Variants in CAAP1 observed in about 807,000 individuals in gnomAD.
CAAP1 encodes caspase activity and apoptosis inhibitor 1, also known as conserved anti-apoptotic protein.
CAAP1 carries 20 observed loss-of-function variants against 34.0 expected under a neutral mutation model. The observed-to-expected ratio is 0.59, with a 90% CI of 0.41 to 0.86. The LOEUF is 0.86. CAAP1 is among the 40% of genes least tolerant of loss of function. CAAP1 has a pLI of 0.00. For missense variants in CAAP1, 538 were observed against 450.5 expected, an observed-to-expected ratio of 1.19 and a Z score of -1.76; for synonymous variants, 213 against 166.7, an observed-to-expected ratio of 1.28 and a Z score of -2.14.
At chr9:26,859,833 A>C (rs908953233) in intron 5 of CAAP1, among the ~76,000 whole-genome samples, 1 of 152,214 alleles carries the variant, frequency 6.6e-6, no homozygotes, top group Non-Finnish European at 1.5e-5. Context: ...TTTTGAAACA[A>C]TCAGAAATAT....
At chr9:26,850,406 C>A (rs1200896760) in intron 5 of CAAP1, among the ~76,000 whole-genome samples, 1 of 152,160 alleles carries the variant, frequency 6.6e-6, no homozygotes, top group Admixed American at 6.5e-5. Context: ...GAAGTTACTT[C>A]TTTAGAAAGA....
chr9:26,887,422 G>GAC lies in CAAP1; in HGVS notation c.393_394dup (p.Ser132CysfsTer3). 1 of 1,613,114 alleles carries GAC rather than the reference G, an allele frequency of 6.2e-7. No homozygotes were observed. The highest frequency in any genetic ancestry group is 8.5e-7 in the Non-Finnish European group (1 of 1,179,310). ...TATATAGAAACTAACTGGTTTCAAT[G>GAC]ACACAGTCAGGTCCAGTCCACCTTC... On this transcript the variant is annotated frameshift_variant, in exon 2 of 6. Transcript: ENST00000333916. LOFTEE classifies it high-confidence loss of function.
chr9:26,867,180 T>C (rs1433220810), intron 4 of CAAP1, among the ~76,000 whole-genome samples: 2 of 152,172 alleles, frequency 1.3e-5, no homozygotes, highest in African/African-American at 2.4e-5. Flanking sequence ...AAAAATCTTC[T>C]TCCATGAAAC....
intron 4 of CAAP1, among the ~76,000 whole-genome samples, chr9:26,870,685 C>T (rs1443439957): frequency 6.6e-6 from 1 of 151,300 alleles, no homozygotes; most frequent in Admixed American, 6.6e-5. Context: ...GGCGCGATCT[C>T]GGCTCACTGC....
chr9:26,842,535 G>C lies in CAAP1; in HGVS notation c.852C>G (p.Val284=). 1 of 1,614,100 alleles carries C rather than the reference G, an allele frequency of 6.2e-7. No individual in the cohort carries two copies. Among genetic ancestry groups the C allele is most frequent in the Middle Eastern group, 1.6e-4 (1 of 6,062 alleles). ...AAAPEAPENT[V]QSEAGQIDDL... is the part of the protein sequence containing the mutation. ...CATCTATCTGACCAGCTTCACTTTG[G>C]ACTGTATTTTCTGGTGCCTCGGGAG... is the stretch of plus-strand genomic sequence containing the variant. The change falls in exon 6 of 6, where the codon GTC becomes GTG. Residue 284 remains valine (V), a synonymous_variant. Coordinates refer to ENST00000333916, the MANE Select transcript of CAAP1 (RefSeq NM_024828.4).
chr9:26,887,728 A>T (rs1823783878), intron 1 of CAAP1, among the ~76,000 whole-genome samples: 1 of 152,198 alleles, frequency 6.6e-6, no homozygotes, highest in Non-Finnish European at 1.5e-5. Flanking sequence ...AGTAGCTATA[A>T]GGGAAGAGAT....
intron 5 of CAAP1, among the ~76,000 whole-genome samples, chr9:26,845,477 G>A (rs1416646211): frequency 6.6e-6 from 1 of 152,176 alleles, no homozygotes; most frequent in Non-Finnish European, 1.5e-5. Flanking sequence ...CAGGGTTCAA[G>A]CGATTCTCCT....
At chr9:26,881,086 A>G (rs1823583436) in intron 4 of CAAP1, among the ~76,000 whole-genome samples, 1 of 152,152 alleles carries the variant, frequency 6.6e-6, no homozygotes, top group Non-Finnish European at 1.5e-5. Flanking sequence ...AGGTGGGAGG[A>G]CAGTTTGAGG....
chr9:26,887,361 AC>A lies in CAAP1; in HGVS notation c.455del (p.Cys152LeufsTer3). ...TCTGTAACTTTTTCTCTCCTATAATACAGAAGCACTGCTGAAGCATTTCTTT... is the reference window on the plus strand; with the variant it reads ...TCTGTAACTTTTTCTCTCCTATAATAAGAAGCACTGCTGAAGCATTTCTTT... ...DKKEMLQQCFCIIGEKKLQKM... is the reference protein window; with the variant it reads ...DKKEMLQQCFXIIGEKKLQKM... On this transcript the variant is annotated frameshift_variant, in exon 2 of 6. Transcript: ENST00000333916. LOFTEE classifies it high-confidence loss of function. The A allele has an allele frequency of 6.2e-7, 1 of 1,610,436 alleles. No homozygotes were observed. The highest frequency in any genetic ancestry group is 8.5e-7 in the Non-Finnish European group (1 of 1,178,036).
chr9:26,892,214 CTT>C, intron 1 of CAAP1, 197 bp downstream of exon 1: 1 of 1,396,626 alleles, frequency 7.2e-7, no homozygotes, highest in Non-Finnish European at 9.4e-7. Context: ...AATCCAGAAA[CTT>C]GAAGTTCAAG....
chr9:26,892,098 G>A (rs1230641210), intron 1 of CAAP1, among the ~76,000 whole-genome samples: 1 of 152,078 alleles, frequency 6.6e-6, no homozygotes. Context: ...GGCTCGCAAG[G>A]GAAATGAAGG....
intron 1 of CAAP1, chr9:26,892,147 A>G (rs1202435945): frequency 1.2e-6 from 1 of 850,756 alleles, no homozygotes; most frequent in Non-Finnish European, 1.7e-6. Flanking sequence ...GAGTGAAACC[A>G]TAGGAGTGGA....
chr9:26,883,667 C>T (rs866147608), intron 4 of CAAP1, among the ~76,000 whole-genome samples: 10 of 152,110 alleles, frequency 6.6e-5, no homozygotes, highest in Non-Finnish European at 1.2e-4. Context: ...ATTCAGGATT[C>T]TCTGTAAGTA....
Position 26,842,497 on chromosome 9 carries a change from T to C in CAAP1, c.890A>G (p.Asp297Gly). ...EAGQIDDLEK[D>G]IEKSVNEILG... ...AATCTCATTCACACTTTTCTCAATG[T>C]CTTTCTCCAGGTCATCTATCTGACC... is the stretch of plus-strand genomic sequence containing the variant. The change falls in exon 6 of 6, where the codon GAC becomes GGC. Residue 297 changes from aspartate to glycine, a missense_variant. Asp to Gly is a moderately conservative substitution (Grantham distance 94, BLOSUM62 -1). This residue lies in a region of CAAP1 where 514 missense variants were observed against 408.4 expected (regional missense o/e 1.26). Coordinates refer to ENST00000333916, the MANE Select transcript of CAAP1 (RefSeq NM_024828.4). 6.2e-7 allele frequency: 1 copy of C among 1,614,200 alleles called. No homozygotes were observed. Among genetic ancestry groups the C allele is most frequent in the Non-Finnish European group, 8.5e-7 (1 of 1,180,042 alleles).
At chr9:26,885,423 T>C (rs1554653187) in intron 3 of CAAP1, among the ~76,000 whole-genome samples, 1 of 152,182 alleles carries the variant, frequency 6.6e-6, no homozygotes, top group Non-Finnish European at 1.5e-5. Context: ...GACAACAATG[T>C]GTGTATATAC....
chr9:26,865,036 A>T (rs897175990), intron 4 of CAAP1, among the ~76,000 whole-genome samples: 9 of 152,224 alleles, frequency 5.9e-5, no homozygotes, highest in Non-Finnish European at 1.2e-4. Flanking sequence ...CCAAAAGCAC[A>T]GTCTGCTCTT....
At position 26,847,198 on chromosome 9, in the gene CAAP1, A is replaced by ATTTTTTTTTTT. The variant is rs1171628621; in HGVS notation, c.740-4562_740-4552dup. ...TTTTTACTAGTAAGTAAAAAGCAAT[A>ATTTTTTTTTTT]TTTTTTTTTTTTTTTTTTTTTTTTT... On this transcript the variant is annotated intron_variant, in intron 5 of 5. Coordinates refer to ENST00000333916, the MANE Select transcript of CAAP1 (RefSeq NM_024828.4). Among the ~76,000 whole-genome samples the ATTTTTTTTTTT allele has an allele frequency of 6.5e-3, 226 of 34,754 alleles. 67 individuals are homozygous for ATTTTTTTTTTT. Among genetic ancestry groups the ATTTTTTTTTTT allele is most frequent in the Non-Finnish European group, 8.4e-3 (168 of 20,066 alleles). 22.8% of individuals were successfully genotyped at this position (34,754 alleles called of 152,430 possible).
At position 26,884,862 on chromosome 9, in the gene CAAP1, T is replaced by C. The variant is rs766716305; in HGVS notation, c.613A>G (p.Met205Val). The change falls in exon 4 of 6, where the codon ATG (methionine) becomes GTG (valine). Residue 205 changes from methionine (M) to valine (V), a missense_variant. Physicochemically the swap from Met to Val is conservative, Grantham distance 21. Coordinates refer to ENST00000333916, the MANE Select transcript of CAAP1 (RefSeq NM_024828.4). ...GAACCATCATCTGCTTCCTCTTCCA[T>C]ATCAGAGTCCATTCCATTGTCACCT... ...LEGDNGMDSD[M>V]EEEADDGSKM... The C allele has an allele frequency of 6.2e-7, 1 of 1,608,960 alleles. No homozygotes were observed. The highest frequency in any genetic ancestry group is 1.7e-5 in the Admixed American group (1 of 59,994).
rs372964635 is a variant in CAAP1, at chr9:26,884,016, CT to C, written c.665+793del. 8.5e-5 allele frequency among the ~76,000 whole-genome samples: 13 copies of C among 152,304 alleles called. No individual in the cohort carries two copies. In the East Asian group the frequency reaches 1.7e-3, roughly 20 times the overall value. ...TATGTACTTCTCTATGCTACTGCCC[CT>C]GGTAACCTCTTCTTACGTGTACTAC... On this transcript the variant is annotated intron_variant, in intron 4 of 5. Coordinates refer to ENST00000333916, the MANE Select transcript of CAAP1 (RefSeq NM_024828.4).
Sources: allele counts gnomAD v4.1 joint callset (sites outside exome capture counted in the v4.1 genomes callset), GRCh38; gene constraint gnomAD v4.1.1; regional missense constraint gnomAD v4.1.1; transcripts MANE v1.5; gene names NCBI Gene and HGNC (gene_info 2026-07-23, HGNC 2026-07-21).